CNTN6: variants seen among roughly 807,000 people sequenced by gnomAD.
CNTN6 encodes the protein contactin 6, also known as contactin-6.
Under a neutral mutation model 122.8 loss-of-function variants are expected in CNTN6, and 137 were observed. The observed-to-expected ratio is 1.12, with a 90% confidence interval of 0.97 to 1.29. The LOEUF (loss-of-function observed/expected upper bound fraction) is 1.29. CNTN6 is among the 50% of genes most tolerant of loss of function. CNTN6 has a pLI of 0.00. For missense variants in CNTN6, 1,634 were observed against 1,223.4 expected, an observed-to-expected ratio of 1.34 and a Z score of -5.01; for synonymous variants, 570 against 426.0, an observed-to-expected ratio of 1.34 and a Z score of -4.16.
rs770701096 is a variant in CNTN6, at chr3:1,385,601, T to G, written c.2518-10T>G. On this transcript the variant is annotated splice_polypyrimidine_tract_variant and intron_variant, in intron 19 of 22. Coordinates refer to ENST00000446702, the MANE Select transcript of CNTN6 (RefSeq NM_001289080.2). ...ACAATAAATTGCTTGTTTTGGTTTT[T>G]AATTATCAGGTCTTATACTGGACAG... 6.3e-7 allele frequency: 1 copy of G among 1,575,874 alleles called. No individual in the cohort carries two copies. The highest frequency in any genetic ancestry group is 1.2e-5 in the South Asian group (1 of 85,036).
intron 4 of CNTN6, among the ~76,000 whole-genome samples, chr3:1,241,041 C>T (rs1022684661): frequency 6.6e-6 from 1 of 151,916 alleles, no homozygotes; most frequent in African/African-American, 2.4e-5. Context: ...CTACAAAGTA[C>T]CTTCTTAAGG....
chr3:1,282,250 C>T (rs1314222369), intron 5 of CNTN6, among the ~76,000 whole-genome samples: 1 of 146,250 alleles, frequency 6.8e-6, no homozygotes, highest in Non-Finnish European at 1.5e-5. Context: ...CCAGCATAGG[C>T]CTTCTGTGGA....
chr3:1,318,316 AAT>A (rs1491108555), intron 7 of CNTN6, among the ~76,000 whole-genome samples: 130 of 99,640 alleles, frequency 1.3e-3, no homozygotes, highest in Middle Eastern at 0.01. Context: ...TTCTACTACT[AAT>A]TTTTTTTTTT....
At chr3:1,128,927 TTCTTA>T (rs1362949811) in intron 1 of CNTN6, among the ~76,000 whole-genome samples, 1 of 152,054 alleles carries the variant, frequency 6.6e-6, no homozygotes, top group Non-Finnish European at 1.5e-5. Context: ...ACTTTTTTAT[TTCTTA>T]TCTTCTCTAA....
chr3:1,361,043 C>G (rs1156376279), intron 12 of CNTN6, among the ~76,000 whole-genome samples: 1 of 152,108 alleles, frequency 6.6e-6, no homozygotes, highest in African/African-American at 2.4e-5. Flanking sequence ...CATGCCATCT[C>G]TTTCCCAGAG....
At chr3:1,364,215 A>AT (rs1707886190) in intron 12 of CNTN6, among the ~76,000 whole-genome samples, 1 of 151,972 alleles carries the variant, frequency 6.6e-6, no homozygotes, top group Non-Finnish European at 1.5e-5. Flanking sequence ...TTTTAAAGGT[A>AT]TTTATTTCTA....
chr3:1,228,893 G>T (rs1300244598), intron 4 of CNTN6, among the ~76,000 whole-genome samples: 1 of 151,650 alleles, frequency 6.6e-6, no homozygotes, highest in Non-Finnish European at 1.5e-5. Context: ...TTAATAACTG[G>T]GTCTGTTTCT....
chr3:1,262,445 T>C (rs1321528813), intron 4 of CNTN6, among the ~76,000 whole-genome samples: 1 of 152,094 alleles, frequency 6.6e-6, no homozygotes, highest in Admixed American at 6.6e-5. Context: ...GTGTGGCAAG[T>C]GTCCTTCCTG....
intron 1 of CNTN6, among the ~76,000 whole-genome samples, chr3:1,113,121 A>G (rs1439745388): frequency 1.3e-5 from 2 of 152,184 alleles, no homozygotes; most frequent in African/African-American, 4.8e-5. Context: ...AGAAAAAAGT[A>G]CATTCAGGCA....
intron 11 of CNTN6, among the ~76,000 whole-genome samples, chr3:1,340,134 T>C (rs925128810): frequency 5.9e-5 from 9 of 152,136 alleles, no homozygotes; most frequent in Non-Finnish European, 7.4e-5. Context: ...CAGTAAGTGA[T>C]AGAAAAACAT....
chr3:1,252,520 G>A (rs2094687605), intron 4 of CNTN6, among the ~76,000 whole-genome samples: 1 of 151,982 alleles, frequency 6.6e-6, no homozygotes, highest in African/African-American at 2.4e-5. Flanking sequence ...GTTAATTGTG[G>A]ATAACTATTT....
At chr3:1,271,926 C>A (rs1328965143) in intron 4 of CNTN6, among the ~76,000 whole-genome samples, 1 of 152,144 alleles carries the variant, frequency 6.6e-6, no homozygotes, top group African/African-American at 2.4e-5. Flanking sequence ...CCACCCAAAT[C>A]CCACATTAAA....
At chr3:1,096,881 C>A (rs1373497182) in intron 1 of CNTN6, among the ~76,000 whole-genome samples, 1 of 152,084 alleles carries the variant, frequency 6.6e-6, no homozygotes, top group Non-Finnish European at 1.5e-5. Flanking sequence ...AGGGTTTTTG[C>A]TTCGTTTTTT....
chr3:1,158,839 C>CT, intron 2 of CNTN6, among the ~76,000 whole-genome samples: 1 of 53,246 alleles, frequency 1.9e-5, no homozygotes, highest in South Asian at 5.6e-4. Context: ...TATACACACA[C>CT]ATATATATAC....
At chr3:1,349,555 C>T (rs966465060) in intron 11 of CNTN6, among the ~76,000 whole-genome samples, 1 of 151,772 alleles carries the variant, frequency 6.6e-6, no homozygotes, top group Non-Finnish European at 1.5e-5. Flanking sequence ...ATGAATGTTA[C>T]CAAAACCATC....
intron 9 of CNTN6, among the ~76,000 whole-genome samples, chr3:1,326,419 G>A (rs1014623522): frequency 3.3e-5 from 5 of 151,832 alleles, no homozygotes; most frequent in Admixed American, 6.6e-5. Flanking sequence ...TCACACAGCA[G>A]CTAGTAAATG....
intron 2 of CNTN6, among the ~76,000 whole-genome samples, chr3:1,167,481 T>C (rs755388155): frequency 9.2e-5 from 14 of 152,206 alleles, no homozygotes; most frequent in Non-Finnish European, 1.8e-4. Context: ...TTTGTTTAGC[T>C]AGCAAGCACA....
At chr3:1,150,120 A>C (rs1358918977) in intron 2 of CNTN6, among the ~76,000 whole-genome samples, 2 of 152,146 alleles carry the variant, frequency 1.3e-5, no homozygotes, top group Non-Finnish European at 2.9e-5. Flanking sequence ...AGAGGTAAGG[A>C]TGTTGATAAT....
chr3:1,382,419 T>C lies in CNTN6; in HGVS notation c.2167-523T>C, dbSNP rs552111697. ...GCACACATGTCACTACCAATGAAGATGTATGCCTAAAAAAATGATGGGAGG... is the reference window on the plus strand; with the variant it reads ...GCACACATGTCACTACCAATGAAGACGTATGCCTAAAAAAATGATGGGAGG... On this transcript the variant is annotated intron_variant, in intron 17 of 22. Coordinates refer to ENST00000446702, the MANE Select transcript of CNTN6 (RefSeq NM_001289080.2). 6.6e-5 allele frequency among the ~76,000 whole-genome samples: 10 copies of C among 152,346 alleles called. No homozygotes were observed. The East Asian group carries it at 1.9e-3, about 29-fold the overall frequency.
Sources: allele counts gnomAD v4.1 joint callset (sites outside exome capture counted in the v4.1 genomes callset), GRCh38; gene constraint gnomAD v4.1.1; transcripts MANE v1.5; gene names NCBI Gene and HGNC (gene_info 2026-07-23, HGNC 2026-07-21).